TMEM165: variants seen among roughly 807,000 people sequenced by gnomAD.
TMEM165 encodes putative divalent cation/proton antiporter TMEM165.
In TMEM165, 19 loss-of-function variants were observed where a neutral mutation model predicts 30.0. The observed-to-expected ratio is 0.63, with a 90% CI of 0.44 to 0.93. The LOEUF (loss-of-function observed/expected upper bound fraction) is 0.93. Ranked by LOEUF, TMEM165 falls within the 40% of genes least tolerant of loss-of-function variation. The pLI, the probability that TMEM165 is intolerant of heterozygous loss-of-function variation, is 0.00. For synonymous variants in TMEM165, 168 were observed against 162.9 expected, an observed-to-expected ratio of 1.03 and a Z score of -0.24; for missense variants, 340 against 417.0, an observed-to-expected ratio of 0.82 and a Z score of 1.61.
At chr4:55,450,655 G>A (rs1724352449) in intron 3 of TMEM165, among the ~76,000 whole-genome samples, 2 of 152,066 alleles carry the variant, frequency 1.3e-5, no homozygotes, top group Admixed American at 6.5e-5. Flanking sequence ...TGTGATCCCA[G>A]CTACTCCGGC....
At chr4:55,435,667 T>C (rs1722822078) in intron 3 of TMEM165, 1 of 1,468,428 alleles carries the variant, frequency 6.8e-7, no homozygotes, top group Non-Finnish European at 9.5e-7. Flanking sequence ...ACTCACACTC[T>C]CCCCTGTCCA....
At chr4:55,441,224 A>G (rs907236377) in intron 3 of TMEM165, among the ~76,000 whole-genome samples, 1 of 152,012 alleles carries the variant, frequency 6.6e-6, no homozygotes, top group East Asian at 1.9e-4. Context: ...ATTAAATATC[A>G]CCTTACCCAG....
At chr4:55,418,521 GAAAA>G (rs57262129) in intron 4 of TMEM165, among the ~76,000 whole-genome samples, 2 of 124,662 alleles carry the variant, frequency 1.6e-5, no homozygotes, top group African/African-American at 3.0e-5. Flanking sequence ...GACCCAGTCT[GAAAA>G]AAAAAAAAAA....
intron 3 of TMEM165, chr4:55,444,860 G>T: frequency 6.9e-7 from 1 of 1,455,226 alleles, no homozygotes; most frequent in Non-Finnish European, 9.4e-7. Flanking sequence ...AACATGAAAA[G>T]TAAGCAGTAT....
At chr4:55,439,857 G>A (rs552247263) in intron 3 of TMEM165, among the ~76,000 whole-genome samples, 8 of 152,218 alleles carry the variant, frequency 5.3e-5, no homozygotes, top group African/African-American at 1.7e-4. Flanking sequence ...GAAGAATGGG[G>A]ACTTGTATAA....
Position 55,435,398 on chromosome 4 carries a change from G to C in TMEM165, c.408+10755G>C, listed in dbSNP as rs536813389. ...CATCCCCTTCCTCCCTTGATGTCAA[G>C]AGAGGAAGCACGTGTGCTACTGTGG... On this transcript the variant is annotated intron_variant, in intron 3 of 3. Transcript: ENST00000608091. 4 of 1,613,756 alleles carry C rather than the reference G, an allele frequency of 2.5e-6. No homozygotes were observed. The African/African-American group carries it at 4.0e-5, about 16-fold the overall frequency.
downstream of TMEM165, among the ~76,000 whole-genome samples, chr4:55,426,358 G>C (rs1722199841): frequency 6.6e-6 from 1 of 152,040 alleles, no homozygotes; most frequent in Non-Finnish European, 1.5e-5. Context: ...ACTAATATAA[G>C]GTTAAAAAAG....
chr4:55,420,106 A>AAAAAATATATATAT (rs1474254120), intron 4 of TMEM165, among the ~76,000 whole-genome samples: 1 of 45,466 alleles, frequency 2.2e-5, no homozygotes, highest in African/African-American at 8.2e-5. Flanking sequence ...AAGAAAAAAA[A>AAAAAATATATATAT]ATATATATAT....
At chr4:55,401,929 C>T (rs1472724046) in intron 1 of TMEM165, among the ~76,000 whole-genome samples, 4 of 149,578 alleles carry the variant, frequency 2.7e-5, no homozygotes, top group African/African-American at 1.0e-4. Context: ...CCAGCCTGGC[C>T]AACATGATGA....
chr4:55,400,036 G>A (rs1578226744), intron 1 of TMEM165, among the ~76,000 whole-genome samples: 1 of 140,348 alleles, frequency 7.1e-6, no homozygotes, highest in South Asian at 2.2e-4. Context: ...TTAGAGACAG[G>A]GTCTCACTAT....
At position 55,411,795 on chromosome 4, in the gene TMEM165, T is replaced by A; in HGVS notation, c.389T>A (p.Leu130Gln). 1 of 1,614,248 alleles carries A rather than the reference T, an allele frequency of 6.2e-7. No individual in the cohort carries two copies. Among genetic ancestry groups the A allele is most frequent in the Non-Finnish European group, 8.5e-7 (1 of 1,180,044 alleles). ...ATGCGCTATAACCGCCTGACCGTGC[T>A]GGCTGGTGCAATGCTTGCCTTGGGA... ...MAMRYNRLTV[L>Q]AGAMLALGLM... Residue 130 changes from leucine to glutamine, a missense_variant, in exon 2 of 6, where the codon CTG becomes CAG. Leu to Gln is a moderately radical substitution (Grantham distance 113). Transcript: ENST00000381334.
At chr4:55,436,218 A>AAT (rs1483643770) in intron 3 of TMEM165, among the ~76,000 whole-genome samples, 1 of 152,208 alleles carries the variant, frequency 6.6e-6, no homozygotes, top group Non-Finnish European at 1.5e-5. Context: ...AAGCATCATA[A>AAT]ATATGAAGGC....
At chr4:55,446,430 C>A (rs1560419338) in intron 3 of TMEM165, among the ~76,000 whole-genome samples, 1 of 152,114 alleles carries the variant, frequency 6.6e-6, no homozygotes, top group Non-Finnish European at 1.5e-5. Flanking sequence ...TAATTTGTAT[C>A]AATTTCTGTC....
At position 55,443,824 on chromosome 4, in the gene TMEM165, T is replaced by C. The variant is rs763217427; in HGVS notation, c.409-8415T>C. ...ATATTTATAGGTGCAAGTTGCTGGA[T>C]ATTAGATGAATTTCCAGAAGAAAGT... On this transcript the variant is annotated intron_variant, in intron 3 of 3. Coordinates refer to the TMEM165 transcript ENST00000608091. The C allele has an allele frequency of 1.9e-6, 3 of 1,613,918 alleles. No homozygotes were observed. The African/African-American group carries it at 4.0e-5, about 22-fold the overall frequency.
intron 3 of TMEM165, among the ~76,000 whole-genome samples, chr4:55,442,933 G>A (rs1023951077): frequency 2.0e-5 from 3 of 152,082 alleles, no homozygotes; most frequent in African/African-American, 4.8e-5. Flanking sequence ...TGACTAATTA[G>A]TGGGCATTTT....
chr4:55,428,748 C>G (rs545669496), downstream of TMEM165: 1 of 151,814 alleles, frequency 6.6e-6, no homozygotes, highest in Non-Finnish European at 1.5e-5. Flanking sequence ...TTAACAACTA[C>G]CAACTGATGT....
chr4:55,396,206 C>G lies in TMEM165; in HGVS notation c.17C>G (p.Pro6Arg). The G allele has an allele frequency of 1.4e-6, 2 of 1,439,606 alleles. No individual in the cohort carries two copies. Among genetic ancestry groups the G allele is most frequent in the East Asian group, 3.1e-5 (1 of 32,700 alleles). 89.2% of individuals were successfully genotyped at this position (1,439,606 alleles called of 1,614,324 possible). MAAAA[P>R]GNGRASAPRL... ...GCAGGCGGGATGGCGGCCGCGGCTCCAGGGAACGGCCGCGCATCGGCGCCC... is the reference window on the plus strand; with the variant it reads ...GCAGGCGGGATGGCGGCCGCGGCTCGAGGGAACGGCCGCGCATCGGCGCCC... Residue 6 changes from proline to arginine, a missense_variant, in exon 1 of 6, where the codon CCA (proline) becomes CGA (arginine). By Grantham distance (103) the Pro-to-Arg change is moderately radical. Coordinates refer to ENST00000381334, the MANE Select transcript of TMEM165 (RefSeq NM_018475.5).
At chr4:55,435,026 G>A in intron 3 of TMEM165, 1 of 290,862 alleles carries the variant, frequency 3.4e-6, no homozygotes, top group Non-Finnish European at 6.8e-6. Flanking sequence ...ACATGGCAGT[G>A]GTATGTCCTC....
intron 4 of TMEM165, among the ~76,000 whole-genome samples, chr4:55,419,311 G>T (rs1721869225): frequency 1.3e-5 from 2 of 152,098 alleles, no homozygotes; most frequent in Admixed American, 1.3e-4. Flanking sequence ...GTTTGTTTCT[G>T]TGTAGGAACT....
Sources: allele counts gnomAD v4.1 joint callset (sites outside exome capture counted in the v4.1 genomes callset), GRCh38; gene constraint gnomAD v4.1.1; transcripts MANE v1.5; gene names NCBI Gene and HGNC (gene_info 2026-07-23, HGNC 2026-07-21).